Variants in ORC4 observed in about 807,000 individuals in gnomAD.
ORC4 encodes the protein origin recognition complex, subunit 4 homolog.
Under a neutral mutation model 63.9 loss-of-function variants are expected in ORC4, and 55 were observed. The observed-to-expected ratio is 0.86, with a 90% CI of 0.69 to 1.08. ORC4 has a LOEUF of 1.08. Among genes scored for constraint, ORC4 ranks in the 50% least tolerant of loss-of-function variants. The probability of loss-of-function intolerance (pLI) is 0.00; values close to 1 mark genes in which losing one functional copy is unlikely to be tolerated. For missense variants in ORC4, 511 were observed against 504.4 expected, an observed-to-expected ratio of 1.01 and a Z score of -0.13; for synonymous variants, 150 against 168.5, an observed-to-expected ratio of 0.89 and a Z score of 0.85.
At chr2:147,961,401 C>A (rs1339297530) in intron 4 of ORC4, among the ~76,000 whole-genome samples, 1 of 149,486 alleles carries the variant, frequency 6.7e-6, no homozygotes, top group African/African-American at 2.5e-5. Context: ...CGTGCCACTG[C>A]ACTCCAGCCT....
intron 7 of ORC4, among the ~76,000 whole-genome samples, chr2:147,953,986 T>C (rs2105302831): frequency 6.6e-6 from 1 of 152,018 alleles, no homozygotes; most frequent in African/African-American, 2.4e-5. Context: ...GGAAAATTAG[T>C]CTATTCAAAG....
At chr2:147,938,988 G>A (rs1011366088) in intron 11 of ORC4, 152 bp downstream of exon 11, 2 of 601,370 alleles carry the variant, frequency 3.3e-6, no homozygotes, top group East Asian at 3.0e-5. Flanking sequence ...GGGAGTGATA[G>A]TACCTTTAAA....
chr2:147,946,942 T>A (rs1264785445), intron 9 of ORC4, among the ~76,000 whole-genome samples: 2 of 152,014 alleles, frequency 1.3e-5, no homozygotes, highest in African/African-American at 4.8e-5. Flanking sequence ...CTAATTACAT[T>A]TTGTTCAATA....
At chr2:147,973,373 G>T in intron 3 of ORC4, 75 bp downstream of exon 3, 1 of 882,042 alleles carries the variant, frequency 1.1e-6, no homozygotes, top group Non-Finnish European at 1.9e-6. Context: ...TATCAAATTT[G>T]TACAATAATT....
chr2:148,000,186 T>C (rs924158018), intron 1 of ORC4, among the ~76,000 whole-genome samples: 6 of 151,562 alleles, frequency 4.0e-5, no homozygotes, highest in African/African-American at 1.2e-4. Context: ...TTTCCCAGAG[T>C]TGATGGACAC....
intron 4 of ORC4, among the ~76,000 whole-genome samples, chr2:147,963,878 A>G (rs1485822774): frequency 2.0e-5 from 3 of 152,124 alleles, no homozygotes; most frequent in Non-Finnish European, 1.5e-5. Flanking sequence ...CTACACAAAG[A>G]CCACACTACT....
chr2:147,949,689 C>G (rs1688845993), intron 8 of ORC4, among the ~76,000 whole-genome samples: 1 of 151,994 alleles, frequency 6.6e-6, no homozygotes, highest in Non-Finnish European at 1.5e-5. Flanking sequence ...AAAATACATT[C>G]TAAAATACTT....
At chr2:147,975,855 G>C (rs1470750342) in intron 2 of ORC4, 47 bp downstream of exon 2, 1 of 1,078,950 alleles carries the variant, frequency 9.3e-7, no homozygotes, top group Non-Finnish European at 1.4e-6. Flanking sequence ...TCTCTGAACA[G>C]CTTTACAGGG....
intron 6 of ORC4, 110 bp from the exon 7 acceptor site, chr2:147,955,505 A>T: frequency 1.3e-6 from 1 of 761,682 alleles, no homozygotes; most frequent in Non-Finnish European, 2.3e-6. Context: ...TCTAGTTATT[A>T]GAGTCATTGC....
chr2:147,960,079 T>C (rs1208494965), intron 4 of ORC4, among the ~76,000 whole-genome samples: 1 of 152,226 alleles, frequency 6.6e-6, no homozygotes, highest in Non-Finnish European at 1.5e-5. Context: ...TCCTAGGTTA[T>C]GATTTTGTTT....
chr2:148,003,084 A>T (rs569087886), intron 1 of ORC4, among the ~76,000 whole-genome samples: 84 of 152,296 alleles, frequency 5.5e-4, no homozygotes, highest in African/African-American at 1.9e-3. Context: ...CCCTAAATAG[A>T]CCAATAGCAA....
intron 1 of ORC4, among the ~76,000 whole-genome samples, chr2:148,004,541 T>C (rs535518289): frequency 6.6e-6 from 1 of 152,252 alleles, no homozygotes; most frequent in Non-Finnish European, 1.5e-5. Context: ...ATTTAATAAA[T>C]GGTGTTGGGA....
rs79649409 is a variant in ORC4 at position 147,995,726 on chromosome 2, G to A, written c.-17-19751C>T. On this transcript the variant is annotated intron_variant, in intron 1 of 13. Transcript: ENST00000392857. ...TCACTCCCGAAGTTAGCGAGACCAC[G>A]AACCCAATGGAAGGAAGAAACTCCG... Among the ~76,000 whole-genome samples the A allele has an allele frequency of 2.0e-5, 3 of 152,056 alleles. No homozygotes were observed. In the East Asian group the frequency reaches 5.8e-4, roughly 30 times the overall value.
chr2:147,938,426 A>G lies in ORC4; in HGVS notation c.959-33T>C, dbSNP rs1688180188. 5.9e-6 allele frequency: 7 copies of G among 1,178,136 alleles called. No individual in the cohort carries two copies. The East Asian group carries it at 1.6e-4, about 28-fold the overall frequency. 73.0% of individuals were successfully genotyped at this position (1,178,136 alleles called of 1,614,324 possible). A position where few individuals can be genotyped will look rare whatever the true frequency, so the allele number is the denominator to read the frequency against. ...AAAAGGGAAAAAAAACTATCAGTTTAATGACATATAAGACTGAAATAACTG... is the reference window on the plus strand; with the variant it reads ...AAAAGGGAAAAAAAACTATCAGTTTGATGACATATAAGACTGAAATAACTG... On this transcript the variant is annotated intron_variant, in intron 11 of 13. Coordinates refer to ENST00000392857, the MANE Select transcript of ORC4 (RefSeq NM_181741.4).
At chr2:147,986,848 A>G (rs1043175500) in intron 1 of ORC4, among the ~76,000 whole-genome samples, 2 of 151,946 alleles carry the variant, frequency 1.3e-5, no homozygotes, top group Admixed American at 1.3e-4. Context: ...ATAAAAAACT[A>G]AAACCAAAAA....
intron 9 of ORC4, among the ~76,000 whole-genome samples, chr2:147,947,204 C>A (rs547976605): frequency 6.6e-6 from 1 of 151,826 alleles, no homozygotes; most frequent in African/African-American, 2.4e-5. Context: ...TTATCCTTAC[C>A]GGTATTTTAA....
intron 1 of ORC4, among the ~76,000 whole-genome samples, chr2:147,985,290 G>A (rs988867528): frequency 2.0e-5 from 3 of 152,100 alleles, no homozygotes; most frequent in East Asian, 1.9e-4. Context: ...TCCACCTCCC[G>A]GGTTCACACC....
intron 1 of ORC4, among the ~76,000 whole-genome samples, chr2:147,980,663 A>G (rs796683839): frequency 1.3e-5 from 2 of 152,334 alleles, no homozygotes; most frequent in African/African-American, 4.8e-5. Context: ...CCACAATGAG[A>G]TAACATTTCA....
chr2:147,957,126 G>T (rs1018261032), intron 6 of ORC4, among the ~76,000 whole-genome samples: 1 of 146,836 alleles, frequency 6.8e-6, no homozygotes, highest in Non-Finnish European at 1.5e-5. Flanking sequence ...TAATAATTTA[G>T]ATTATAATCT....
Sources: gnomAD v4.1 joint callset for allele counts (sites outside exome capture counted in the v4.1 genomes callset) on GRCh38, gnomAD v4.1.1 for gene constraint, MANE v1.5 for transcripts, NCBI Gene and HGNC (gene_info 2026-07-23, HGNC 2026-07-21) for gene names.